EVI5: variants seen among roughly 807,000 people sequenced by gnomAD.
EVI5 encodes ecotropic viral integration site 5 protein homolog.
In EVI5, 73 loss-of-function variants were observed where a neutral mutation model predicts 112.0. The ratio of observed to expected loss-of-function variants is 0.65; its 90% CI spans 0.54 to 0.79. The LOEUF (loss-of-function observed/expected upper bound fraction) is 0.79. Among genes scored for constraint, EVI5 ranks in the 30% least tolerant of loss-of-function variants. The probability of loss-of-function intolerance (pLI) is 0.00; values close to 1 mark genes in which losing one functional copy is unlikely to be tolerated. For synonymous variants in EVI5, 305 were observed against 319.9 expected, an observed-to-expected ratio of 0.95 and a Z score of 0.50; for missense variants, 900 against 968.8, an observed-to-expected ratio of 0.93 and a Z score of 0.94.
chr1:92,680,746 G>A (rs758047041), intron 9 of EVI5, among the ~76,000 whole-genome samples: 5 of 152,064 alleles, frequency 3.3e-5, no homozygotes, highest in Non-Finnish European at 5.9e-5. Context: ...CATATATATC[G>A]TATGGTGAAA....
chr1:92,732,972 G>C (rs981336938), intron 2 of EVI5: 1 of 151,352 alleles, frequency 6.6e-6, no homozygotes, highest in Non-Finnish European at 1.5e-5. Flanking sequence ...TGACATGTTG[G>C]GAGGCCGAGG....
chr1:92,566,839 C>T (rs1669567384), intron 18 of EVI5, among the ~76,000 whole-genome samples: 1 of 134,968 alleles, frequency 7.4e-6, no homozygotes, highest in Admixed American at 8.4e-5. Context: ...AGGCAGAGTG[C>T]CCCTCTGTCC....
At chr1:92,620,451 G>GA (rs1329971387) in intron 16 of EVI5, among the ~76,000 whole-genome samples, 99 of 137,874 alleles carry the variant, frequency 7.2e-4, no homozygotes, top group Admixed American at 3.1e-3. Flanking sequence ...AAAAAAGAGA[G>GA]AAAAAAAAAC....
At chr1:92,707,059 A>G (rs1157887102) in intron 2 of EVI5, among the ~76,000 whole-genome samples, 3 of 151,832 alleles carry the variant, frequency 2.0e-5, no homozygotes, top group Non-Finnish European at 2.9e-5. Context: ...CATGCCTGTA[A>G]TCTCAGCTAC....
chr1:92,601,973 T>G (rs140443053), intron 18 of EVI5, among the ~76,000 whole-genome samples: 10 of 152,316 alleles, frequency 6.6e-5, no homozygotes, highest in East Asian at 5.8e-4. Flanking sequence ...GATAGCATGA[T>G]TTAAACAACT....
rs1175976178 is a variant in EVI5 at position 92,624,216 on chromosome 1, A to G, written c.1787T>C (p.Ile596Thr). ...CATCATCCTTTGTTTTATTTCTCTTATTTCTGCTTGTGTTTCAGCTTCTCT... is the reference window on the plus strand; with the variant it reads ...CATCATCCTTTGTTTTATTTCTCTTGTTTCTGCTTGTGTTTCAGCTTCTCT... ...RLREAETQAE[I>T]REIKQRMMEM... The change falls in exon 16 of 20, where the codon ATA (isoleucine) becomes ACA (threonine). Residue 596 changes from isoleucine (I) to threonine (T), a missense_variant. Coordinates refer to ENST00000684568, the MANE Select transcript of EVI5 (RefSeq NM_001350197.2). 1 of 1,613,346 alleles carries G rather than the reference A, an allele frequency of 6.2e-7. No individual in the cohort carries two copies. Among genetic ancestry groups the G allele is most frequent in the Admixed American group, 1.7e-5 (1 of 59,956 alleles).
chr1:92,640,921 C>A (rs1659837917), intron 13 of EVI5, among the ~76,000 whole-genome samples: 1 of 152,128 alleles, frequency 6.6e-6, no homozygotes, highest in African/African-American at 2.4e-5. Flanking sequence ...GAGATCATGT[C>A]TTTTGCAGGG....
chr1:92,560,941 A>C (rs1467362265), intron 19 of EVI5, among the ~76,000 whole-genome samples: 1 of 151,966 alleles, frequency 6.6e-6, no homozygotes, highest in African/African-American at 2.4e-5. Context: ...TCAAATGTTA[A>C]GGATAATAAC....
At chr1:92,629,165 C>T (rs1418900189) in intron 14 of EVI5, among the ~76,000 whole-genome samples, 2 of 152,342 alleles carry the variant, frequency 1.3e-5, no homozygotes, top group East Asian at 1.9e-4. Flanking sequence ...TTTCTTTCAG[C>T]ATTCTTGCTG....
chr1:92,762,430 G>C (rs899988623), intron 1 of EVI5, among the ~76,000 whole-genome samples: 3 of 152,126 alleles, frequency 2.0e-5, no homozygotes, highest in Non-Finnish European at 4.4e-5. Context: ...GCTTATAGAG[G>C]TTAAACAACT....
intron 10 of EVI5, among the ~76,000 whole-genome samples, chr1:92,676,729 G>A (rs552188814): frequency 2.5e-4 from 38 of 152,278 alleles, no homozygotes; most frequent in Non-Finnish European, 4.1e-4. Flanking sequence ...AGAAAAAGTC[G>A]TATCAGTCAA....
At chr1:92,768,044 C>T (rs1430314383) in intron 1 of EVI5, among the ~76,000 whole-genome samples, 1 of 149,478 alleles carries the variant, frequency 6.7e-6, no homozygotes, top group Non-Finnish European at 1.5e-5. Context: ...CACACCACTG[C>T]ACTCCAACCT....
intron 13 of EVI5, among the ~76,000 whole-genome samples, chr1:92,645,852 G>A (rs1373761225): frequency 1.3e-5 from 2 of 152,104 alleles, no homozygotes; most frequent in Non-Finnish European, 2.9e-5. Context: ...ATAATCTGTT[G>A]CAACTCACTT....
At chr1:92,675,485 ATTT>A (rs201106041) in intron 10 of EVI5, among the ~76,000 whole-genome samples, 2 of 151,478 alleles carry the variant, frequency 1.3e-5, no homozygotes, top group African/African-American at 2.4e-5. Context: ...TAGAACTGTG[ATTT>A]TTTTTTCAAT....
At chr1:92,759,853 A>C (rs1681533413) in intron 1 of EVI5, among the ~76,000 whole-genome samples, 3 of 129,794 alleles carry the variant, frequency 2.3e-5, no homozygotes, top group African/African-American at 6.8e-5. Context: ...ACATATACAA[A>C]TACCCTCCCC....
At chr1:92,785,423 C>T (rs546087336), upstream of EVI5, among the ~76,000 whole-genome samples, 77 of 152,334 alleles carry the variant, frequency 5.1e-4, no homozygotes, top group African/African-American at 1.9e-3. Flanking sequence ...GCCGCACCGA[C>T]GCGGAGCCTG....
chr1:92,527,717 A>G (rs1329880774), intron 19 of EVI5, among the ~76,000 whole-genome samples: 1 of 152,210 alleles, frequency 6.6e-6, no homozygotes, highest in Non-Finnish European at 1.5e-5. Flanking sequence ...CTTGTATTTA[A>G]TATAAAGGAT....
At position 92,612,728 on chromosome 1, in the gene EVI5, A is replaced by AGGG; in HGVS notation, c.1828-5002_1828-5001insCCC. The stretch of plus-strand genomic sequence containing the variant: ...CCATCTCAAAAAAAAAAAAAAAGGA[A>AGGG]AAAAAAAAAAAAAGCCAGCCAAACT... On this transcript the variant is annotated intron_variant, in intron 16 of 19. Transcript: ENST00000684568. Among the ~76,000 whole-genome samples the AGGG allele has an allele frequency of 7.0e-4, 3 of 4,278 alleles. No individual in the cohort carries two copies. In the South Asian group the frequency reaches 0.033, roughly 48 times the overall value. The allele number at this position is 4,278 out of a possible 152,430, so 2.8% of individuals were successfully genotyped here. A position where few individuals can be genotyped will look rare whatever the true frequency, so the allele number is the denominator to read the frequency against.
chr1:92,719,477 T>C (rs1162713202), intron 2 of EVI5, among the ~76,000 whole-genome samples: 3 of 151,410 alleles, frequency 2.0e-5, no homozygotes, highest in Non-Finnish European at 4.4e-5. Flanking sequence ...GCAGAAAAGG[T>C]CTTCGACAAA....
Sources: gnomAD v4.1 joint callset for allele counts (sites outside exome capture counted in the v4.1 genomes callset) on GRCh38, gnomAD v4.1.1 for gene constraint, MANE v1.5 for transcripts, NCBI Gene and HGNC (gene_info 2026-07-23, HGNC 2026-07-21) for gene names.